The following MDGA2 variants were observed in gnomAD, a reference collection of about 807,000 sequenced individuals.
MDGA2 encodes MAM domain-containing glycosylphosphatidylinositol anchor protein 2.
In MDGA2, 40 loss-of-function variants were observed where a neutral mutation model predicts 117.8. That is an observed-to-expected ratio of 0.34 (90% CI 0.26 to 0.44). The LOEUF is 0.44. Among genes scored for constraint, MDGA2 ranks in the 20% least tolerant of loss-of-function variants. The probability of loss-of-function intolerance (pLI) is 1.00; values close to 1 mark genes in which losing one functional copy is unlikely to be tolerated. For missense variants in MDGA2, 1,123 were observed against 1,250.6 expected (o/e 0.90, Z 1.54); for synonymous variants, 452 against 439.0 (o/e 1.03, Z -0.37).
In MDGA2 at chr14:47,398,187, G is replaced by C. The variant is rs565726934; in HGVS notation, c.281-96637C>G. Among the ~76,000 whole-genome samples, 7 of 152,240 alleles carry C rather than the reference G, an allele frequency of 4.6e-5. No individual in the cohort carries two copies. The East Asian group carries it at 1.2e-3, about 25-fold the overall frequency. On this transcript the variant is annotated intron_variant, in intron 1 of 16. Coordinates refer to ENST00000399232, the MANE Select transcript of MDGA2 (RefSeq NM_001113498.3). The stretch of plus-strand genomic sequence containing the variant: ...TATACGGCTCTTCAATTAACTGCCT[G>C]AGCCCACATTTTCCATGATATAGAA...
At chr14:47,299,011 T>C (rs1156757750) in intron 2 of MDGA2, among the ~76,000 whole-genome samples, 1 of 152,050 alleles carries the variant, frequency 6.6e-6, no homozygotes, top group African/African-American at 2.4e-5. Context: ...CAATGGGCAA[T>C]ATAAGCTGAA....
chr14:47,371,370 A>G (rs1016446275), intron 1 of MDGA2, among the ~76,000 whole-genome samples: 3 of 151,852 alleles, frequency 2.0e-5, no homozygotes, highest in Admixed American at 1.3e-4. Context: ...GTTATTTGGA[A>G]GTATCAATCT....
intron 3 of MDGA2, among the ~76,000 whole-genome samples, chr14:47,157,363 T>C (rs1883430886): frequency 6.6e-6 from 1 of 152,180 alleles, no homozygotes. Flanking sequence ...TTAGAATCCA[T>C]TGCATCTTCA....
intron 1 of MDGA2, among the ~76,000 whole-genome samples, chr14:47,354,773 G>A (rs1890956477): frequency 6.6e-6 from 1 of 152,094 alleles, no homozygotes; most frequent in Non-Finnish European, 1.5e-5. Flanking sequence ...TGGTGCCCTG[G>A]GGGATTGAGA....
Position 47,218,143 on chromosome 14 carries a change from C to T in MDGA2, c.473G>A (p.Ser158Asn). 6.4e-7 allele frequency: 1 copy of T among 1,551,032 alleles called. No individual in the cohort carries two copies. The highest frequency in any genetic ancestry group is 8.7e-7 in the Non-Finnish European group (1 of 1,146,584). Residue 158 changes from serine (S) to asparagine (N), a missense_variant, in exon 3 of 17, where the codon AGT becomes AAT. This residue lies in a region of MDGA2 where 233 missense variants were observed against 200.3 expected (regional missense o/e 1.16). Transcript: ENST00000399232. ...AATCCTCAAAGTCTCATTGAAGACA[C>T]TTGAGTCTTGGAATCTGTCAGAGGC... ...GSASDRFQDSSVFNETLRITN... is the reference protein window; with the variant it reads ...GSASDRFQDSNVFNETLRITN...
chr14:46,975,893 A>G (rs1355842695), intron 8 of MDGA2, among the ~76,000 whole-genome samples: 1 of 152,100 alleles, frequency 6.6e-6, no homozygotes, highest in Non-Finnish European at 1.5e-5. Flanking sequence ...CAAGACAACA[A>G]TCTTGAACCT....
chr14:47,546,408 C>T (rs1895464047), intron 1 of MDGA2, among the ~76,000 whole-genome samples: 1 of 152,046 alleles, frequency 6.6e-6, no homozygotes, highest in Non-Finnish European at 1.5e-5. Context: ...ATAATGTGGA[C>T]TAATTTTGTG....
intron 7 of MDGA2, among the ~76,000 whole-genome samples, chr14:47,051,893 T>C (rs1271700834): frequency 6.6e-6 from 1 of 151,934 alleles, no homozygotes; most frequent in Non-Finnish European, 1.5e-5. Flanking sequence ...CATAACTACA[T>C]TAGTAGTGAA....
At chr14:47,184,953 TAAATG>T (rs1884852003) in intron 3 of MDGA2, among the ~76,000 whole-genome samples, 1 of 150,492 alleles carries the variant, frequency 6.6e-6, no homozygotes, top group Non-Finnish European at 1.5e-5. Context: ...CGAAAACAAA[TAAATG>T]GAATGAAAGA....
intron 6 of MDGA2, among the ~76,000 whole-genome samples, chr14:47,085,776 T>A (rs535679076): frequency 6.6e-6 from 1 of 152,202 alleles, no homozygotes; most frequent in Admixed American, 6.5e-5. Flanking sequence ...AAAACTAAGA[T>A]GTAAAAATGT....
At chr14:47,396,723 T>G (rs1892018509) in intron 1 of MDGA2, among the ~76,000 whole-genome samples, 1 of 152,058 alleles carries the variant, frequency 6.6e-6, no homozygotes, top group Admixed American at 6.6e-5. Flanking sequence ...GGCCAACAAG[T>G]ATATGAAAAA....
In MDGA2 at chr14:47,423,843, G is replaced by A. The variant is rs535691889; in HGVS notation, c.281-122293C>T. ...TACTTTATTTTTGAGACTAAGTCTC[G>A]TTCTGTCACCCAGGCTGAAGTGCAG... On this transcript the variant is annotated intron_variant, in intron 1 of 16. Transcript: ENST00000399232. 7.1e-4 allele frequency among the ~76,000 whole-genome samples: 108 copies of A among 151,672 alleles called. 1 individual carries two copies. The highest frequency in any genetic ancestry group is 2.4e-3 in the African/African-American group (99 of 41,334).
At chr14:47,493,861 T>C (rs1025446742) in intron 1 of MDGA2, among the ~76,000 whole-genome samples, 24 of 152,144 alleles carry the variant, frequency 1.6e-4, no homozygotes, top group Admixed American at 1.0e-3. Flanking sequence ...ATTCAAGAGA[T>C]ATATATAGAT....
Position 47,410,750 on chromosome 14 carries a change from G to A in MDGA2, c.281-109200C>T, listed in dbSNP as rs577784636. The stretch of plus-strand genomic sequence containing the variant: ...TGTAAATCAGCCTATTGCTTTTACC[G>A]TAAGTTCTCTCTAAATTAAACTTGA... On this transcript the variant is annotated intron_variant, in intron 1 of 16. Coordinates refer to ENST00000399232, the MANE Select transcript of MDGA2 (RefSeq NM_001113498.3). Among the ~76,000 whole-genome samples, 86 of 152,138 alleles carry A rather than the reference G, an allele frequency of 5.7e-4. 1 individual carries two copies. The highest frequency in any genetic ancestry group is 2.0e-3 in the African/African-American group (83 of 41,528).
At chr14:47,070,567 C>T (rs895602993) in intron 6 of MDGA2, among the ~76,000 whole-genome samples, 1 of 151,938 alleles carries the variant, frequency 6.6e-6, no homozygotes. Flanking sequence ...CATTGACCAA[C>T]CTCTCCCATA....
intron 1 of MDGA2, among the ~76,000 whole-genome samples, chr14:47,453,935 T>G (rs1454069669): frequency 6.6e-6 from 1 of 152,194 alleles, no homozygotes; most frequent in Non-Finnish European, 1.5e-5. Flanking sequence ...GTATCTTTGC[T>G]CCTGTGAGTC....
intron 8 of MDGA2, among the ~76,000 whole-genome samples, chr14:46,984,020 T>A (rs1337068720): frequency 6.6e-6 from 1 of 152,060 alleles, no homozygotes; most frequent in Non-Finnish European, 1.5e-5. Flanking sequence ...ATATTAGTAA[T>A]AAAACATAGT....
intron 1 of MDGA2, among the ~76,000 whole-genome samples, chr14:47,616,487 C>T (rs750483450): frequency 3.3e-5 from 5 of 152,124 alleles, no homozygotes; most frequent in Admixed American, 6.6e-5. Flanking sequence ...TTTTGGAGCA[C>T]GTACTTCTTT....
chr14:47,138,627 G>T (rs1473923551), intron 4 of MDGA2, among the ~76,000 whole-genome samples: 1 of 151,964 alleles, frequency 6.6e-6, no homozygotes, highest in East Asian at 1.9e-4. Flanking sequence ...TGCTGACATT[G>T]CTGTAATGAA....
Sources: gnomAD v4.1 joint callset for allele counts (sites outside exome capture counted in the v4.1 genomes callset) on GRCh38, gnomAD v4.1.1 for gene constraint, gnomAD v4.1.1 regional missense constraint, MANE v1.5 for transcripts, NCBI Gene and HGNC (gene_info 2026-07-23, HGNC 2026-07-21) for gene names.